The following EML4 variants were observed in gnomAD, a reference collection of about 807,000 sequenced individuals.
EML4 encodes EMAP like 4, also known as echinoderm microtubule-associated protein-like 4.
In EML4, 72 loss-of-function variants were observed where a neutral mutation model predicts 129.0. The ratio of observed to expected loss-of-function variants is 0.56; its 90% CI spans 0.46 to 0.68. EML4 has a LOEUF of 0.68. Ranked by LOEUF, EML4 falls within the 30% of genes least tolerant of loss-of-function variation. The pLI, the probability that EML4 is intolerant of heterozygous loss-of-function variation, is 0.00. For synonymous variants in EML4, 532 were observed against 405.0 expected, an observed-to-expected ratio of 1.31 and a Z score of -3.77; for missense variants, 1,363 against 1,190.6, an observed-to-expected ratio of 1.14 and a Z score of -2.13.
chr2:42,281,253 TGTG>T (rs1666988783), intron 7 of EML4, among the ~76,000 whole-genome samples: 1 of 151,698 alleles, frequency 6.6e-6, no homozygotes, highest in Non-Finnish European at 1.5e-5. Flanking sequence ...ATTAGCCAGG[TGTG>T]GTGGTGCATG....
chr2:42,214,444 T>TC (rs2104048375), intron 1 of EML4, among the ~76,000 whole-genome samples: 1 of 152,128 alleles, frequency 6.6e-6, no homozygotes, highest in South Asian at 2.1e-4. Flanking sequence ...AGCGGATTTT[T>TC]TTTTCCCATT....
intron 17 of EML4, among the ~76,000 whole-genome samples, chr2:42,314,223 G>C (rs983777383): frequency 3.3e-5 from 5 of 151,982 alleles, no homozygotes; most frequent in African/African-American, 9.7e-5. Context: ...GCTGGGTGTG[G>C]TGGCGCCCAC....
intron 11 of EML4, among the ~76,000 whole-genome samples, chr2:42,294,382 A>G (rs973085097): frequency 6.6e-6 from 1 of 152,210 alleles, no homozygotes. Flanking sequence ...ACATATCTCT[A>G]AATTAGTCCT....
intron 1 of EML4, among the ~76,000 whole-genome samples, chr2:42,175,867 AT>A (rs1418377869): frequency 2.0e-5 from 3 of 152,160 alleles, no homozygotes; most frequent in Non-Finnish European, 4.4e-5. Flanking sequence ...TCTTTAGCCC[AT>A]TTGTATGCAG....
At chr2:42,248,698 AATTG>A (rs1358624240) in intron 2 of EML4, among the ~76,000 whole-genome samples, 1 of 151,880 alleles carries the variant, frequency 6.6e-6, no homozygotes, top group Non-Finnish European at 1.5e-5. Context: ...TTTTTTTTCC[AATTG>A]ATTTTTAAAT....
intron 18 of EML4, among the ~76,000 whole-genome samples, chr2:42,317,183 C>T (rs990936140): frequency 1.3e-5 from 2 of 152,282 alleles, no homozygotes; most frequent in Middle Eastern, 3.4e-3. Context: ...CCTCTGGAGC[C>T]GGTTTTCAAC....
chr2:42,198,351 G>GAGACACTCTA (rs1179445604), intron 1 of EML4, among the ~76,000 whole-genome samples: 3 of 152,146 alleles, frequency 2.0e-5, no homozygotes, highest in Admixed American at 2.0e-4. Flanking sequence ...AGTAATAGGG[G>GAGACACTCTA]AGACACTCTA....
intron 3 of EML4, among the ~76,000 whole-genome samples, chr2:42,260,031 ATT>A (rs879504691): frequency 7.2e-6 from 1 of 139,068 alleles, no homozygotes. Context: ...TGCCTGGCCA[ATT>A]TTTTTTTTTT....
chr2:42,271,114 G>C, intron 6 of EML4, among the ~76,000 whole-genome samples: 1 of 152,080 alleles, frequency 6.6e-6, no homozygotes. Context: ...GGCTGTTCTT[G>C]AACTCCTGGG....
At chr2:42,325,214 G>A (rs758655833) in intron 19 of EML4, 2 of 564,792 alleles carry the variant, frequency 3.5e-6, no homozygotes, top group African/African-American at 3.7e-5. Flanking sequence ...TTAAGAGACT[G>A]TCTTTCTTGG....
At position 42,261,386 on chromosome 2, in the gene EML4, T is replaced by G. The variant is rs1665725567; in HGVS notation, c.512+92T>G. The G allele has an allele frequency of 4.2e-6, 5 of 1,197,760 alleles. No individual in the cohort carries two copies. In the South Asian group the frequency reaches 1.1e-4, roughly 26 times the overall value. 74.2% of individuals were successfully genotyped at this position (1,197,760 alleles called of 1,614,324 possible). On this transcript the variant is annotated intron_variant, in intron 4 of 22. Coordinates refer to ENST00000318522, the MANE Select transcript of EML4 (RefSeq NM_019063.5). ...GAAAAAGTTAGCTATCCAAGGATTC[T>G]GAGAGAAAAAGCTGGTGGCTTTATT... is the stretch of plus-strand genomic sequence containing the variant.
rs945640262 is a variant in EML4 at position 42,265,052 on chromosome 2, A to G, written c.667+321A>G. On this transcript the variant is annotated intron_variant, in intron 6 of 22. Transcript: ENST00000318522. The stretch of plus-strand genomic sequence containing the variant: ...TATGCTGCCTGACTTTCTTCCTTAA[A>G]AAGGAAATACAGTGATTTGAGCTAG... 1.1e-5 allele frequency: 12 copies of G among 1,111,074 alleles called. No individual in the cohort carries two copies. The African/African-American group carries it at 1.3e-4, about 12-fold the overall frequency. 68.8% of individuals were successfully genotyped at this position (1,111,074 alleles called of 1,614,324 possible).
At chr2:42,318,643 C>G (rs573144170) in intron 19 of EML4, among the ~76,000 whole-genome samples, 1 of 152,182 alleles carries the variant, frequency 6.6e-6, no homozygotes, top group African/African-American at 2.4e-5. Context: ...ATGAGATATT[C>G]CACCAAAAGA....
intron 6 of EML4, among the ~76,000 whole-genome samples, chr2:42,272,667 AT>A (rs1666441087): frequency 6.6e-6 from 1 of 152,164 alleles, no homozygotes; most frequent in East Asian, 1.9e-4. Context: ...GGTTAATTAC[AT>A]TTTCTAGTTT....
At chr2:42,193,035 C>A (rs1179909103) in intron 1 of EML4, among the ~76,000 whole-genome samples, 2 of 152,078 alleles carry the variant, frequency 1.3e-5, no homozygotes, top group African/African-American at 4.8e-5. Flanking sequence ...AAACCTTAGT[C>A]TTTAGCTGCA....
chr2:42,230,932 A>G (rs1572589527), intron 1 of EML4, among the ~76,000 whole-genome samples: 1 of 152,206 alleles, frequency 6.6e-6, no homozygotes, highest in African/African-American at 2.4e-5. Context: ...ACGTGTTAGT[A>G]TAAATAACTC....
chr2:42,236,081 T>C (rs1012989331), intron 1 of EML4, among the ~76,000 whole-genome samples: 3 of 152,194 alleles, frequency 2.0e-5, no homozygotes, highest in African/African-American at 7.2e-5. Context: ...CATACAACCA[T>C]CAGAAGTAAC....
intron 11 of EML4, among the ~76,000 whole-genome samples, chr2:42,294,584 T>C (rs1667841034): frequency 6.6e-6 from 1 of 151,956 alleles, no homozygotes; most frequent in Admixed American, 6.6e-5. Flanking sequence ...TGGTCCCAGC[T>C]ACTGGGGAGG....
At chr2:42,189,794 T>C (rs566353948) in intron 1 of EML4, among the ~76,000 whole-genome samples, 2 of 152,326 alleles carry the variant, frequency 1.3e-5, no homozygotes, top group Non-Finnish European at 2.9e-5. Flanking sequence ...ACGATACTTT[T>C]TTCATTTGCT....
Sources: gnomAD v4.1 joint callset for allele counts (sites outside exome capture counted in the v4.1 genomes callset) on GRCh38, gnomAD v4.1.1 for gene constraint, MANE v1.5 for transcripts, NCBI Gene and HGNC (gene_info 2026-07-23, HGNC 2026-07-21) for gene names.